The following PCDHGB4 variants were observed in gnomAD, a reference collection of about 807,000 sequenced individuals.
PCDHGB4 encodes the protein protocadherin gamma subfamily B, 4.
In PCDHGB4, 38 loss-of-function variants were observed where a neutral mutation model predicts 60.5. The ratio of observed to expected loss-of-function variants is 0.63; its 90% CI spans 0.48 to 0.82. The LOEUF (loss-of-function observed/expected upper bound fraction) is 0.82, where lower values mean the gene tolerates loss of function less well. Ranked by LOEUF, PCDHGB4 falls within the 40% of genes least tolerant of loss-of-function variation. The probability of loss-of-function intolerance (pLI) is 0.00; values close to 1 mark genes in which losing one functional copy is unlikely to be tolerated. For synonymous variants in PCDHGB4, 456 were observed against 509.7 expected (o/e 0.89, Z 1.42); for missense variants, 1,109 against 1,209.6 (o/e 0.92, Z 1.23).
Position 141,409,803 on chromosome 5 carries a change from C to G in PCDHGB4, c.2397+19522C>G, listed in dbSNP as rs779815582. The G allele has an allele frequency of 1.4e-5, 23 of 1,611,528 alleles. No homozygotes were observed. The highest frequency in any genetic ancestry group is 7.7e-5 in the South Asian group (7 of 90,886). ...CGCGCCTTCGCGCTCACGCTGCAGG[C>G]CCGCGACCACGGCTCGCCCACGCTC... On this transcript the variant is annotated intron_variant, in intron 1 of 3. Coordinates refer to ENST00000519479, the MANE Select transcript of PCDHGB4 (RefSeq NM_003736.4).
At chr5:141,397,668 C>T (rs1455080741) in intron 1 of PCDHGB4, among the ~76,000 whole-genome samples, 3 of 152,224 alleles carry the variant, frequency 2.0e-5, no homozygotes, top group African/African-American at 7.2e-5. Flanking sequence ...AAAGAATGGA[C>T]CAATGTATGC....
At chr5:141,404,488 T>C (rs3749770) in intron 1 of PCDHGB4, 387,354 of 1,612,960 alleles carry the variant, frequency 0.24, 50,449 homozygotes, top group African/African-American at 0.51. Flanking sequence ...CAGACACTGG[T>C]GTGCTGTATG....
chr5:141,421,926 C>T, intron 1 of PCDHGB4: 1 of 1,613,460 alleles, frequency 6.2e-7, no homozygotes, highest in Non-Finnish European at 8.5e-7. Context: ...GTGTGGTGGT[C>T]CTCGATGTAA....
At chr5:141,438,621 T>C (rs1164140266) in intron 1 of PCDHGB4, among the ~76,000 whole-genome samples, 4 of 41,368 alleles carry the variant, frequency 9.7e-5, no homozygotes, top group Admixed American at 3.5e-4. Flanking sequence ...TATATATATA[T>C]ATATATATAT....
At chr5:141,414,300 G>T in intron 1 of PCDHGB4, 7 of 1,613,560 alleles carry the variant, frequency 4.3e-6, no homozygotes, top group Non-Finnish European at 5.9e-6. Context: ...TTTTAAATGT[G>T]CATGATTTAG....
intron 1 of PCDHGB4, chr5:141,398,010 G>A: frequency 7.1e-7 from 1 of 1,408,980 alleles, no homozygotes; most frequent in South Asian, 1.5e-5. Context: ...AAAAAGAATC[G>A]TTTCCTAAAC....
rs1196356712 is a variant in PCDHGB4, at chr5:141,389,397, A to G, written c.1513A>G (p.Ile505Val). The change falls in exon 1 of 4, where the codon ATA becomes GTA. Residue 505 changes from isoleucine to valine, a missense_variant. Coordinates refer to ENST00000519479, the MANE Select transcript of PCDHGB4 (RefSeq NM_003736.4). ...GCGGGAGCTGTCATCCTACGTGTCCATAAGCGCGGAGAGCGGGGTGGTGTT... is the reference window on the plus strand; with the variant it reads ...GCGGGAGCTGTCATCCTACGTGTCCGTAAGCGCGGAGAGCGGGGTGGTGTT... ...EQRELSSYVS[I>V]SAESGVVFAQ... 2 of 1,613,688 alleles carry G rather than the reference A, an allele frequency of 1.2e-6. No individual in the cohort carries two copies. The highest frequency in any genetic ancestry group is 3.3e-5 in the Admixed American group (2 of 60,034).
intron 1 of PCDHGB4, among the ~76,000 whole-genome samples, chr5:141,460,889 G>A (rs901987902): frequency 3.3e-5 from 5 of 150,280 alleles, no homozygotes; most frequent in East Asian, 3.9e-4. Flanking sequence ...ATGCCTTTTC[G>A]TGGCTGAGTA....
intron 1 of PCDHGB4, among the ~76,000 whole-genome samples, chr5:141,458,526 A>T (rs921943954): frequency 1.7e-4 from 26 of 151,492 alleles, no homozygotes; most frequent in African/African-American, 5.6e-4. Flanking sequence ...TTTTTTTTTA[A>T]CTTATCAACT....
intron 1 of PCDHGB4, chr5:141,492,006 G>T (rs2099736069): frequency 7.8e-6 from 5 of 643,420 alleles, no homozygotes; most frequent in Non-Finnish European, 1.3e-5. Context: ...GGCGATTTCC[G>T]CGGGTGTCGG....
At position 141,485,149 on chromosome 5, in the gene PCDHGB4, A is replaced by G; in HGVS notation, c.2398-9658A>G. 6.3e-7 allele frequency: 1 copy of G among 1,578,106 alleles called. No individual in the cohort carries two copies. Among genetic ancestry groups the G allele is most frequent in the South Asian group, 1.1e-5 (1 of 89,070 alleles). ...CGGCTTCATCCGCGTCTCAGGAGCA[A>G]GTAGAGAATTAGCGGGCGGCAGCAA... On this transcript the variant is annotated intron_variant, in intron 1 of 3. Transcript: ENST00000519479. This position sits in a 1 kb window ranked among gnomAD's most constrained non-coding sequence, Gnocchi z 5.7.
chr5:141,466,197 G>A (rs2099118639), intron 1 of PCDHGB4, among the ~76,000 whole-genome samples: 1 of 151,666 alleles, frequency 6.6e-6, no homozygotes, highest in South Asian at 2.1e-4. Flanking sequence ...TTCAGACACA[G>A]CCTTGCTCTG....
chr5:141,409,761 T>A, intron 1 of PCDHGB4: 1 of 1,612,966 alleles, frequency 6.2e-7, no homozygotes, highest in Non-Finnish European at 8.5e-7. Context: ...CAGCGCGCCT[T>A]TGATCACGAG....
chr5:141,405,204 A>G, intron 1 of PCDHGB4: 1 of 1,613,034 alleles, frequency 6.2e-7, no homozygotes. Flanking sequence ...GCTTTCCTAC[A>G]GACCTATTCT....
At position 141,389,607 on chromosome 5, in the gene PCDHGB4, A is replaced by G; in HGVS notation, c.1723A>G (p.Met575Val). The change falls in exon 1 of 4, where the codon ATG (methionine) becomes GTG (valine). Residue 575 changes from methionine (M) to valine (V), a missense_variant. Met to Val is a conservative substitution (Grantham distance 21, BLOSUM62 1). Around this residue, in one of 2 missense-constraint regions of PCDHGB4, gnomAD observed 1,068 missense variants for 1,089.9 expected, o/e 0.98. Transcript: ENST00000519479. ...LGPDGSALFD[M>V]VPHAAEPGYL... ...TCCCGACGGCTCTGCGCTCTTCGAT[A>G]TGGTGCCGCACGCTGCAGAGCCTGG... The G allele has an allele frequency of 6.2e-7, 1 of 1,613,070 alleles. No individual in the cohort carries two copies. Among genetic ancestry groups the G allele is most frequent in the Non-Finnish European group, 8.5e-7 (1 of 1,179,798 alleles).
At position 141,463,977 on chromosome 5, in the gene PCDHGB4, T is replaced by C. The variant is rs948698340; in HGVS notation, c.2398-30830T>C. On this transcript the variant is annotated intron_variant, in intron 1 of 3. Coordinates refer to ENST00000519479, the MANE Select transcript of PCDHGB4 (RefSeq NM_003736.4). ...TTTAAAATAGCTTCATAAAACTCCA[T>C]TGTAAAAACCAGGTGCAGTGGCTCA... Among the ~76,000 whole-genome samples the C allele has an allele frequency of 2.6e-5, 4 of 152,258 alleles. 1 individual carries two copies. The highest frequency in any genetic ancestry group is 4.4e-5 in the Non-Finnish European group (3 of 68,004).
Position 141,511,349 on chromosome 5 carries a change from C to T in PCDHGB4, c.*176C>T, listed in dbSNP as rs1463242262. The T allele has an allele frequency of 2.1e-6, 3 of 1,401,380 alleles. No homozygotes were observed. The highest frequency in any genetic ancestry group is 2.9e-5 in the African/African-American group (2 of 68,826). 86.8% of individuals were successfully genotyped at this position (1,401,380 alleles called of 1,614,324 possible). The stretch of plus-strand genomic sequence containing the variant: ...GCCCAGTCAGCACCTACCCCTTCCC[C>T]CCCAGGGGGTTGAATATGCAAAAGC... On this transcript the variant is annotated 3_prime_UTR_variant, in exon 4 of 4. Transcript: ENST00000519479.
chr5:141,387,788 A>G lies in PCDHGB4; in HGVS notation c.-97A>G. On this transcript the variant is annotated 5_prime_UTR_variant, in exon 1 of 4. Transcript: ENST00000519479. The stretch of plus-strand genomic sequence containing the variant: ...AATTTTTTCTTGAACTGGAACTGCA[A>G]CTAAAGTCCGTTCGGAGATCCAAAA... 1.3e-6 allele frequency: 2 copies of G among 1,487,916 alleles called. No individual in the cohort carries two copies. Among genetic ancestry groups the G allele is most frequent in the Non-Finnish European group, 1.8e-6 (2 of 1,115,260 alleles). 92.2% of individuals were successfully genotyped at this position (1,487,916 alleles called of 1,614,324 possible). A position where few individuals can be genotyped will look rare whatever the true frequency, so the allele number is the denominator to read the frequency against.
chr5:141,467,042 G>T (rs2099134710), intron 1 of PCDHGB4, among the ~76,000 whole-genome samples: 1 of 149,884 alleles, frequency 6.7e-6, no homozygotes. Context: ...TTTGTGTAAT[G>T]AATCAATGTT....
Sources: gnomAD v4.1 joint callset for allele counts (sites outside exome capture counted in the v4.1 genomes callset) on GRCh38, gnomAD v4.1.1 for gene constraint, gnomAD v4.1.1 regional missense constraint, Gnocchi (gnomAD v3.1) non-coding constraint, MANE v1.5 for transcripts, NCBI Gene and HGNC (gene_info 2026-07-23, HGNC 2026-07-21) for gene names.